SH3D19: variants seen among roughly 807,000 people sequenced by gnomAD.
SH3D19 encodes SH3 domain-containing protein 19.
SH3D19 carries 58 observed loss-of-function variants against 112.1 expected under a neutral mutation model. The observed-to-expected ratio is 0.52, with a 90% confidence interval of 0.42 to 0.64. SH3D19 has a LOEUF of 0.64. Among genes scored for constraint, SH3D19 ranks in the 30% least tolerant of loss-of-function variants. The pLI, the probability that SH3D19 is intolerant of heterozygous loss-of-function variation, is 0.00. For synonymous variants in SH3D19, 391 were observed against 448.5 expected (o/e 0.87, Z 1.62); for missense variants, 1,090 against 1,263.4 (o/e 0.86, Z 2.08).
intron 1 of SH3D19, among the ~76,000 whole-genome samples, chr4:151,290,534 G>A (rs1268738684): frequency 6.6e-6 from 1 of 152,116 alleles, no homozygotes; most frequent in East Asian, 1.9e-4. Flanking sequence ...TAGCTGGGAG[G>A]GTTGGGAAGA....
intron 1 of SH3D19, among the ~76,000 whole-genome samples, chr4:151,304,627 T>G (rs980718142): frequency 2.0e-5 from 3 of 152,200 alleles, no homozygotes; most frequent in Non-Finnish European, 4.4e-5. Context: ...TATTAGTTGC[T>G]GCTGCACAAG....
At chr4:151,215,048 GGC>G (rs1477899226) in intron 2 of SH3D19, among the ~76,000 whole-genome samples, 1 of 147,710 alleles carries the variant, frequency 6.8e-6, no homozygotes, top group African/African-American at 2.5e-5. Context: ...GCGGGGCAAA[GGC>G]GCTCCCCACA....
chr4:151,182,290 G>A (rs1384038708), intron 3 of SH3D19, among the ~76,000 whole-genome samples: 2 of 152,152 alleles, frequency 1.3e-5, no homozygotes, highest in African/African-American at 4.8e-5. Flanking sequence ...TGCCTGGCCT[G>A]TCTGCAGTTT....
In SH3D19 at chr4:151,325,353, G is replaced by A; in HGVS notation, c.-1C>T. 1 of 1,209,002 alleles carries A rather than the reference G, an allele frequency of 8.3e-7. No individual in the cohort carries two copies. Among genetic ancestry groups the A allele is most frequent in the Non-Finnish European group, 1.0e-6 (1 of 972,800 alleles). 74.9% of individuals were successfully genotyped at this position (1,209,002 alleles called of 1,614,324 possible). A position where few individuals can be genotyped will look rare whatever the true frequency, so the allele number is the denominator to read the frequency against. On this transcript the variant is annotated 5_prime_UTR_variant, in exon 1 of 20. Transcript: ENST00000604030. Reference sequence around the variant, plus strand: ...CCTCCCGCCGCCGGCCCTCAGCCATGGGCGAGGCGCGGGGCGCAGCCGCGG... The same window carrying A: ...CCTCCCGCCGCCGGCCCTCAGCCATAGGCGAGGCGCGGGGCGCAGCCGCGG...
chr4:151,303,848 G>T (rs1400872247), intron 1 of SH3D19, among the ~76,000 whole-genome samples: 3 of 152,092 alleles, frequency 2.0e-5, no homozygotes, highest in Admixed American at 6.6e-5. Context: ...GCTGAGTGAG[G>T]CTCCTCTTTA....
intron 1 of SH3D19, among the ~76,000 whole-genome samples, chr4:151,313,697 T>TC (rs1302196965): frequency 6.6e-5 from 10 of 152,286 alleles, no homozygotes; most frequent in East Asian, 1.9e-4. Flanking sequence ...AGACGCACCC[T>TC]CCACTGGCAA....
intron 2 of SH3D19, among the ~76,000 whole-genome samples, chr4:151,201,213 AGCAG>A (rs1453282292): frequency 1.3e-5 from 2 of 152,254 alleles, no homozygotes; most frequent in Non-Finnish European, 2.9e-5. Context: ...TTCTGGAAAC[AGCAG>A]GCTGAGTTCA....
intron 1 of SH3D19, among the ~76,000 whole-genome samples, chr4:151,255,396 G>A (rs1289658973): frequency 2.7e-5 from 4 of 150,816 alleles, no homozygotes; most frequent in Non-Finnish European, 3.0e-5. Flanking sequence ...ACGGGGCAGC[G>A]GGGCAGAGGC....
chr4:151,230,684 C>T (rs1561384607), intron 1 of SH3D19, among the ~76,000 whole-genome samples: 1 of 151,688 alleles, frequency 6.6e-6, no homozygotes, highest in Non-Finnish European at 1.5e-5. Context: ...TCTCTGCCTC[C>T]CAGGTTCAAG....
At chr4:151,174,632 G>A (rs201187773) in intron 7 of SH3D19, 38 bp downstream of exon 7, 91 of 1,483,632 alleles carry the variant, frequency 6.1e-5, no homozygotes, top group Non-Finnish European at 7.9e-5. Context: ...ACCCTATCAT[G>A]AGTTTAGATT....
chr4:151,135,421 A>ATTTTTTTTTTTTTTT (rs34291277), intron 14 of SH3D19, among the ~76,000 whole-genome samples: 1 of 87,488 alleles, frequency 1.1e-5, no homozygotes, highest in Non-Finnish European at 2.0e-5. Flanking sequence ...TCTCTATCTC[A>ATTTTTTTTTTTTTTT]TTTTTTTTTT....
intron 11 of SH3D19, 129 bp from the exon 12 acceptor site, chr4:151,144,179 T>A (rs757369430): frequency 1.2e-6 from 2 of 1,604,686 alleles, no homozygotes; most frequent in Non-Finnish European, 1.7e-6. Flanking sequence ...GCCAGTAATT[T>A]TTTTTTTACA....
chr4:151,275,841 TA>T (rs753906227), intron 1 of SH3D19, among the ~76,000 whole-genome samples: 9,066 of 66,696 alleles, frequency 0.14, 448 homozygotes, highest in Middle Eastern at 0.21. Context: ...TTATTATTAT[TA>T]TTATTATTTT....
chr4:151,180,321 T>A (rs1760648054), intron 3 of SH3D19, among the ~76,000 whole-genome samples: 1 of 152,204 alleles, frequency 6.6e-6, no homozygotes, highest in Non-Finnish European at 1.5e-5. Context: ...GCTTGATAGT[T>A]TAAATTTTTT....
intron 1 of SH3D19, among the ~76,000 whole-genome samples, chr4:151,230,235 G>T (rs1230167227): frequency 3.3e-5 from 5 of 152,110 alleles, no homozygotes; most frequent in Non-Finnish European, 7.4e-5. Flanking sequence ...ACAGTTTTTG[G>T]GTACGGCTAC....
Position 151,251,198 on chromosome 4 carries a change from C to CTTTTTTTTTTTTTTTT in SH3D19, c.113-25113_113-25112insAAAAAAAAAAAAAAAA, listed in dbSNP as rs11368412. Reference sequence around the variant, plus strand: ...TTTGTTCTTTCTTTTTCTTTTTTTCCTTTTTTTTTTTTTTTCCTGAGACGG... The same window carrying CTTTTTTTTTTTTTTTT: ...TTTGTTCTTTCTTTTTCTTTTTTTCCTTTTTTTTTTTTTTTTTTTTTTTTTTTTTTTCCTGAGACGG... On this transcript the variant is annotated intron_variant, in intron 1 of 19. Coordinates refer to ENST00000604030, the MANE Select transcript of SH3D19 (RefSeq NM_001378122.1). Among the ~76,000 whole-genome samples, 2 of 142,568 alleles carry CTTTTTTTTTTTTTTTT rather than the reference C, an allele frequency of 1.4e-5. 1 individual carries two copies. The highest frequency in any genetic ancestry group is 3.0e-5 in the Non-Finnish European group (2 of 65,850). 93.5% of individuals were successfully genotyped at this position (142,568 alleles called of 152,430 possible). A position where few individuals can be genotyped will look rare whatever the true frequency, so the allele number is the denominator to read the frequency against.
At chr4:151,301,330 C>A (rs949896258) in intron 1 of SH3D19, among the ~76,000 whole-genome samples, 21 of 152,258 alleles carry the variant, frequency 1.4e-4, no homozygotes, top group Non-Finnish European at 2.6e-4. Context: ...CAGGTTCAAG[C>A]AATTCTCCTG....
Position 151,127,728 on chromosome 4 carries a change from A to G in SH3D19, c.2930-13T>C, listed in dbSNP as rs763073370. On this transcript the variant is annotated splice_polypyrimidine_tract_variant and intron_variant, in intron 18 of 19. Coordinates refer to ENST00000604030, the MANE Select transcript of SH3D19 (RefSeq NM_001378122.1). ...CTTTTTGCCTCAGCTGTGAAGACAT[A>G]AAAAATTTAAATATATAGAAACACA... 8 of 1,516,560 alleles carry G rather than the reference A, an allele frequency of 5.3e-6. No individual in the cohort carries two copies. Among genetic ancestry groups the G allele is most frequent in the Non-Finnish European group, 5.3e-6 (6 of 1,123,060 alleles). The allele number at this position is 1,516,560 out of a possible 1,614,324, so 93.9% of individuals were successfully genotyped here.
At chr4:151,166,298 C>T (rs956484389) in intron 7 of SH3D19, 2 of 152,204 alleles carry the variant, frequency 1.3e-5, no homozygotes, top group East Asian at 1.9e-4. Flanking sequence ...ATATATGACT[C>T]GGCATTCCTC....
Sources: allele counts gnomAD v4.1 joint callset (sites outside exome capture counted in the v4.1 genomes callset), GRCh38; gene constraint gnomAD v4.1.1; transcripts MANE v1.5; gene names NCBI Gene and HGNC (gene_info 2026-07-23, HGNC 2026-07-21).